The following CCDC88B variants were observed in gnomAD, a reference collection of about 807,000 sequenced individuals.
CCDC88B encodes coiled-coil and HOOK domain protein 88B.
In CCDC88B, 138 loss-of-function variants were observed where a neutral mutation model predicts 183.7. That is an observed-to-expected ratio of 0.75 (90% CI 0.65 to 0.87). The LOEUF is 0.87. CCDC88B is among the 40% of genes least tolerant of loss of function. The probability of loss-of-function intolerance (pLI) is 0.00; values close to 1 mark genes in which losing one functional copy is unlikely to be tolerated. For missense variants in CCDC88B, 1,822 were observed against 1,965.6 expected (o/e 0.93, Z 1.38); for synonymous variants, 835 against 867.5 (o/e 0.96, Z 0.66).
At position 64,351,158 on chromosome 11, in the gene CCDC88B, A is replaced by C. The variant is rs1423740998; in HGVS notation, c.2863-2A>C. On this transcript the variant is annotated splice_acceptor_variant, in intron 16 of 26. Coordinates refer to ENST00000356786, the MANE Select transcript of CCDC88B (RefSeq NM_032251.6). LOFTEE classifies it high-confidence loss of function. ...ATGACCTCCCAGGGACTCTCCTTGC[A>C]GCTGCGCCAGGGCCCCGCGGGGCTG... 1 of 1,474,234 alleles carries C rather than the reference A, an allele frequency of 6.8e-7. No homozygotes were observed. Among genetic ancestry groups the C allele is most frequent in the Non-Finnish European group, 9.0e-7 (1 of 1,114,930 alleles). The allele number at this position is 1,474,234 out of a possible 1,614,324, so 91.3% of individuals were successfully genotyped here.
chr11:64,343,306 G>A lies in CCDC88B; in HGVS notation c.1190G>A (p.Arg397Gln), dbSNP rs1357214013. Residue 397 changes from arginine (R) to glutamine (Q), a missense_variant, in exon 11 of 27, where the codon CGG becomes CAG. Transcript: ENST00000356786. ...TQRENLLLRT[R>Q]LGEAHAELDS... is the part of the protein sequence containing the mutation. The stretch of plus-strand genomic sequence containing the variant: ...CGCGAGAACCTGCTGCTGCGAACCC[G>A]GCTGGGCGAGGCCCATGCGGTAAGG... 14 of 1,550,246 alleles carry A rather than the reference G, an allele frequency of 9.0e-6. No homozygotes were observed. The highest frequency in any genetic ancestry group is 7.0e-6 in the Non-Finnish European group (8 of 1,146,826).
chr11:64,355,095 C>T lies in CCDC88B; in HGVS notation c.4100-99C>T, dbSNP rs189846712. On this transcript the variant is annotated intron_variant, in intron 24 of 26. Transcript: ENST00000356786. ...CTCCCCTTGTCTGACCCCCTCCCTG[C>T]GTGAGCCTCAGCCTCCCCCCATTCT... 1.2e-4 allele frequency: 87 copies of T among 720,894 alleles called. 1 individual carries two copies. The African/African-American group carries it at 1.6e-3, about 13-fold the overall frequency. 44.7% of individuals were successfully genotyped at this position (720,894 alleles called of 1,614,324 possible). A position where few individuals can be genotyped will look rare whatever the true frequency, so the allele number is the denominator to read the frequency against.
chr11:64,340,781 G>A (rs977890339), intron 2 of CCDC88B, 29 bp downstream of exon 2: 3 of 1,586,492 alleles, frequency 1.9e-6, no homozygotes, highest in African/African-American at 1.3e-5. Flanking sequence ...GGGCGGTGGC[G>A]GGGAAGGATC....
chr11:64,342,678 G>C lies in CCDC88B; in HGVS notation c.1060G>C (p.Glu354Gln), dbSNP rs1469863311. The C allele has an allele frequency of 1.3e-6, 2 of 1,488,778 alleles. No homozygotes were observed. Among genetic ancestry groups the C allele is most frequent in the African/African-American group, 1.4e-5 (1 of 70,730 alleles). 92.2% of individuals were successfully genotyped at this position (1,488,778 alleles called of 1,614,324 possible). The part of the protein sequence containing the change: ...QAAEAYKSQL[E>Q]EERVLSGVLE... ...GGCTGAGGCCTACAAGAGTCAGCTG[G>C]AGGTGAGGCGGAGACGGAGCCGCGG... Residue 354 changes from glutamate (E) to glutamine (Q), a missense_variant and splice_region_variant, in exon 10 of 27, where the codon GAG becomes CAG. By Grantham distance (29) the Glu-to-Gln change is conservative (BLOSUM62 2). Coordinates refer to ENST00000356786, the MANE Select transcript of CCDC88B (RefSeq NM_032251.6).
Position 64,343,300 on chromosome 11 carries a change from G to A in CCDC88B, c.1184G>A (p.Arg395Gln), listed in dbSNP as rs1330564704. The A allele has an allele frequency of 3.9e-6, 6 of 1,550,288 alleles. No individual in the cohort carries two copies. The highest frequency in any genetic ancestry group is 3.6e-5 in the South Asian group (3 of 84,034). ...ACCCAGCGCGAGAACCTGCTGCTGCGAACCCGGCTGGGCGAGGCCCATGCG... is the reference window on the plus strand; with the variant it reads ...ACCCAGCGCGAGAACCTGCTGCTGCAAACCCGGCTGGGCGAGGCCCATGCG... ...HETQRENLLL[R>Q]TRLGEAHAEL... The change falls in exon 11 of 27, where the codon CGA becomes CAA. Residue 395 changes from arginine to glutamine, a missense_variant. Transcript: ENST00000356786.
At position 64,344,079 on chromosome 11, in the gene CCDC88B, A is replaced by T. The variant is rs775308214; in HGVS notation, c.1538A>T (p.His513Leu). The change falls in exon 14 of 27, where the codon CAC (histidine) becomes CTC (leucine). Residue 513 changes from histidine (H) to leucine (L), a missense_variant. Coordinates refer to ENST00000356786, the MANE Select transcript of CCDC88B (RefSeq NM_032251.6). The surrounding 1 kb of genome is among the most constrained non-coding windows in gnomAD (Gnocchi z 4.5). ...EAPQTPVAFD[H>L]SPQGLVQKAR... is the part of the protein sequence containing the mutation. ...CCCCAGACTCCTGTGGCCTTCGACCACAGCCCTCAGGGCTTGGTTCAGAAG... is the reference window on the plus strand; with the variant it reads ...CCCCAGACTCCTGTGGCCTTCGACCTCAGCCCTCAGGGCTTGGTTCAGAAG... The T allele has an allele frequency of 6.1e-5, 98 of 1,608,930 alleles. No individual in the cohort carries two copies. The highest frequency in any genetic ancestry group is 8.1e-5 in the Non-Finnish European group (95 of 1,177,714).
Position 64,345,557 on chromosome 11 carries a change from C to T in CCDC88B, c.2616+400C>T, listed in dbSNP as rs780708688. Among the ~76,000 whole-genome samples the T allele has an allele frequency of 3.9e-5, 6 of 152,276 alleles. No individual in the cohort carries two copies. The South Asian group carries it at 6.2e-4, about 16-fold the overall frequency. On this transcript the variant is annotated intron_variant, in intron 14 of 26. Transcript: ENST00000356786. ...AGGGTATGTTGTAAGTGTTCAAGCA[C>T]TGGTTATTCAGAGCCAAGTGCTACG...
In CCDC88B at chr11:64,342,342, T is replaced by C. The variant is rs756420126; in HGVS notation, c.870T>C (p.Gly290=). The C allele has an allele frequency of 6.3e-7, 1 of 1,594,304 alleles. No individual in the cohort carries two copies. Among genetic ancestry groups the C allele is most frequent in the Non-Finnish European group, 8.5e-7 (1 of 1,171,080 alleles). The change falls in exon 9 of 27, where the codon GGT becomes GGC. Residue 290 remains glycine (G), a synonymous_variant. Transcript: ENST00000356786. ...TAGACTCCCAGGCCGAGGTGCAGGG[T>C]TTGGAGGCCGAAATAAGAAGGCTCC... ...LLLDSQAEVQ[G]LEAEIRRLRQ... is the part of the protein sequence containing the mutation.
rs774207975 is a variant in CCDC88B, at chr11:64,344,378, A to C, written c.1837A>C (p.Lys613Gln). The change falls in exon 14 of 27, where the codon AAA (lysine) becomes CAA (glutamine). Residue 613 changes from lysine (K) to glutamine (Q), a missense_variant. Physicochemically the swap from Lys to Gln is moderately conservative, Grantham distance 53. Transcript: ENST00000356786. This position sits in a 1 kb window ranked among gnomAD's most constrained non-coding sequence, Gnocchi z 4.5. ...SVAPPQGPGTKIQAPQLLGGE... is the reference protein window; with the variant it reads ...SVAPPQGPGTQIQAPQLLGGE... ...GGCCCCACCTCAGGGTCCAGGGACC[A>C]AAATTCAGGCCCCGCAGTTGCTGGG... The C allele has an allele frequency of 7.8e-5, 123 of 1,583,526 alleles. No homozygotes were observed. Among genetic ancestry groups the C allele is most frequent in the Non-Finnish European group, 1.0e-4 (119 of 1,166,300 alleles).
Position 64,349,576 on chromosome 11 carries a change from G to A in CCDC88B, c.2770G>A (p.Glu924Lys), listed in dbSNP as rs1356368792. 1 of 1,602,360 alleles carries A rather than the reference G, an allele frequency of 6.2e-7. No homozygotes were observed. The highest frequency in any genetic ancestry group is 8.5e-7 in the Non-Finnish European group (1 of 1,176,008). Residue 924 changes from glutamate to lysine, a missense_variant, in exon 16 of 27, where the codon GAA becomes AAA. Transcript: ENST00000356786. The stretch of plus-strand genomic sequence containing the variant: ...GTACCAGGGCTTGGAGCAGCGGCTG[G>A]AAGCTGAGCTGCAGGCGGCGGCGAC... ...QRYQGLEQRL[E>K]AELQAAATSK... is the part of the protein sequence containing the mutation.
intron 16 of CCDC88B, 142 bp downstream of exon 16, chr11:64,349,810 TG>T: frequency 1.3e-6 from 1 of 788,486 alleles, no homozygotes; most frequent in South Asian, 1.6e-5. Flanking sequence ...TGGGGCCTGT[TG>T]GAGAGAGCAC....
intron 14 of CCDC88B, among the ~76,000 whole-genome samples, chr11:64,345,523 A>T (rs2036074529): frequency 6.6e-6 from 1 of 152,192 alleles, no homozygotes; most frequent in Non-Finnish European, 1.5e-5. Flanking sequence ...GGTCTGGTTC[A>T]TGCTGGCAAG....
chr11:64,351,581 A>G lies in CCDC88B; in HGVS notation c.3064A>G (p.Ser1022Gly), dbSNP rs199796609. Residue 1022 changes from serine to glycine, a missense_variant, in exon 18 of 27, where the codon AGC (serine) becomes GGC (glycine). Transcript: ENST00000356786. ...CCGTGCCCAGGAGCTGCTGCTGCAG[A>G]GCCAGCGGGCGCAGGAGCACAGCAG... is the stretch of plus-strand genomic sequence containing the variant. ...QGRAQELLLQ[S>G]QRAQEHSSRL... 700 of 1,564,822 alleles carry G rather than the reference A, an allele frequency of 4.5e-4. 6 individuals carry two copies. In the African/African-American group the frequency reaches 8.9e-3, roughly 20 times the overall value.
In CCDC88B at chr11:64,341,307, A is replaced by G. The variant is rs771298358; in HGVS notation, c.426A>G (p.Leu142=). ...AGCAGCTGGAAGGCGTTCTTCGGCT[A>G]CTGTTGGGAGCGTCAGTACAGGTGA... is the stretch of plus-strand genomic sequence containing the variant. ...AVEQLEGVLR[L]LLGASVQCEH... The change falls in exon 5 of 27, where the codon CTA becomes CTG. Residue 142 remains leucine, a synonymous_variant. Transcript: ENST00000356786. 2 of 1,614,060 alleles carry G rather than the reference A, an allele frequency of 1.2e-6. No individual in the cohort carries two copies. Among genetic ancestry groups the G allele is most frequent in the East Asian group, 2.2e-5 (1 of 44,880 alleles).
Position 64,342,323 on chromosome 11 carries a change from C to A in CCDC88B, c.851C>A (p.Ser284Tyr). Reference protein sequence around the residue: ...LEEKAELLLDSQAEVQGLEAE... With the variant: ...LEEKAELLLDYQAEVQGLEAE... ...GAGAAGGCCGAGCTGCTGCTAGACT[C>A]CCAGGCCGAGGTGCAGGGTTTGGAG... Residue 284 changes from serine (S) to tyrosine (Y), a missense_variant, in exon 9 of 27, where the codon TCC (serine) becomes TAC (tyrosine). By Grantham distance (144) the Ser-to-Tyr change is moderately radical (BLOSUM62 -2). Coordinates refer to ENST00000356786, the MANE Select transcript of CCDC88B (RefSeq NM_032251.6). 1.9e-6 allele frequency: 3 copies of A among 1,594,568 alleles called. No individual in the cohort carries two copies. Among genetic ancestry groups the A allele is most frequent in the Non-Finnish European group, 2.6e-6 (3 of 1,171,172 alleles).
Position 64,341,599 on chromosome 11 carries a change from G to T in CCDC88B, c.532G>T (p.Val178Leu). 6.2e-7 allele frequency: 1 copy of T among 1,601,626 alleles called. No homozygotes were observed. ...QSELAAAIQE[V>L]TQPGAGVVLA... ...CTGAACTGCTCTTCCTGCGCCCCAG[G>T]TGACCCAGCCGGGGGCCGGCGTGGT... The change falls in exon 7 of 27, where the codon GTG (valine) becomes TTG (leucine). Residue 178 changes from valine to leucine, a missense_variant and splice_region_variant. By Grantham distance (32) the Val-to-Leu change is conservative. Transcript: ENST00000356786.
intron 14 of CCDC88B, chr11:64,349,076 G>A: frequency 1.4e-6 from 1 of 716,088 alleles, no homozygotes; most frequent in Non-Finnish European, 2.6e-6. Flanking sequence ...CCCAACATGT[G>A]TCACCTACCG....
At chr11:64,351,437 C>T in intron 17 of CCDC88B, 39 bp from the exon 18 acceptor site, 1 of 1,561,578 alleles carries the variant, frequency 6.4e-7, no homozygotes, top group South Asian at 1.2e-5. Context: ...AGGGGGTGCC[C>T]CCGCCACCTG....
Position 64,352,790 on chromosome 11 carries a change from G to A in CCDC88B, c.3403G>A (p.Val1135Met). ...AQRASVEAQE[V>M]ALLAERERLM... Reference sequence around the variant, plus strand: ...GCGGGCCAGCGTGGAGGCACAGGAGGTGGCCCTGCTGGCAGAGCGTGAACG... The same window carrying A: ...GCGGGCCAGCGTGGAGGCACAGGAGATGGCCCTGCTGGCAGAGCGTGAACG... Residue 1135 changes from valine to methionine, a missense_variant, in exon 20 of 27, where the codon GTG becomes ATG. Physicochemically the swap from Val to Met is conservative, Grantham distance 21 (BLOSUM62 1). Transcript: ENST00000356786. 1 of 1,613,530 alleles carries A rather than the reference G, an allele frequency of 6.2e-7. No homozygotes were observed. Among genetic ancestry groups the A allele is most frequent in the Non-Finnish European group, 8.5e-7 (1 of 1,179,982 alleles).
Sources: allele counts gnomAD v4.1 joint callset (sites outside exome capture counted in the v4.1 genomes callset), GRCh38; gene constraint gnomAD v4.1.1; non-coding constraint Gnocchi (gnomAD v3.1); transcripts MANE v1.5; gene names NCBI Gene and HGNC (gene_info 2026-07-23, HGNC 2026-07-21).